The following AGPAT3 variants were observed in gnomAD, a reference collection of about 807,000 sequenced individuals.
AGPAT3 encodes the protein 1-acyl-sn-glycerol-3-phosphate acyltransferase gamma.
In AGPAT3, 5 loss-of-function variants were observed where a neutral mutation model predicts 47.3. The ratio of observed to expected loss-of-function variants is 0.11; its 90% CI spans 0.06 to 0.22. The LOEUF (loss-of-function observed/expected upper bound fraction) is 0.22, where lower values mean the gene tolerates loss of function less well. Ranked by LOEUF, AGPAT3 falls within the 10% of genes least tolerant of loss-of-function variation. AGPAT3 has a pLI of 1.00. For synonymous variants in AGPAT3, 212 were observed against 208.3 expected, an observed-to-expected ratio of 1.02 and a Z score of -0.15; for missense variants, 315 against 493.0, an observed-to-expected ratio of 0.64 and a Z score of 3.42.
intron 1 of AGPAT3, among the ~76,000 whole-genome samples, chr21:43,888,302 A>T (rs1489298386): frequency 6.6e-6 from 1 of 152,176 alleles, no homozygotes; most frequent in Non-Finnish European, 1.5e-5. Context: ...AGCCTTCCAA[A>T]ATGTTGGAAT....
rs775306656 is a variant in AGPAT3 at position 43,981,820 on chromosome 21, TGCCAGGGGCCTTGGTGGGAGGG to T, written c.1043-482_1043-461del. Among the ~76,000 whole-genome samples the T allele has an allele frequency of 9.7e-4, 148 of 152,084 alleles. No homozygotes were observed. The highest frequency in any genetic ancestry group is 1.7e-3 in the Non-Finnish European group (118 of 67,986). On this transcript the variant is annotated intron_variant, in intron 9 of 9. Coordinates refer to ENST00000291572, the MANE Select transcript of AGPAT3 (RefSeq NM_020132.5). The surrounding 1 kb of genome is among the most constrained non-coding windows in gnomAD (Gnocchi z 5.3). ...GCTCCTCCCCTGCTCCTGCCGCCCC[TGCCAGGGGCCTTGGTGGGAGGG>T]GTCCTGAGAGGCAGTGACTGCCACC...
chr21:43,909,381 C>T (rs912637506), intron 2 of AGPAT3, among the ~76,000 whole-genome samples: 49 of 151,608 alleles, frequency 3.2e-4, no homozygotes, highest in African/African-American at 1.1e-3. Flanking sequence ...CCGCAAGCTC[C>T]GTCTCCCGGG....
chr21:43,945,226 A>G (rs551879909), intron 2 of AGPAT3, among the ~76,000 whole-genome samples: 3 of 152,148 alleles, frequency 2.0e-5, no homozygotes, highest in African/African-American at 4.8e-5. Flanking sequence ...GATTTGGCCT[A>G]CGGGGTCCCA....
intron 2 of AGPAT3, among the ~76,000 whole-genome samples, chr21:43,906,262 C>A (rs2086490905): frequency 6.6e-6 from 1 of 152,086 alleles, no homozygotes; most frequent in Non-Finnish European, 1.5e-5. Flanking sequence ...TGATGGCATG[C>A]CACGTATCAC....
At chr21:43,887,586 GCACA>G (rs144954422) in intron 1 of AGPAT3, among the ~76,000 whole-genome samples, 2 of 151,336 alleles carry the variant, frequency 1.3e-5, no homozygotes, top group Admixed American at 6.6e-5. Context: ...GTGCGCACAC[GCACA>G]CACACACACA....
intron 1 of AGPAT3, among the ~76,000 whole-genome samples, chr21:43,891,718 A>C (rs559376772): frequency 6.6e-6 from 1 of 151,622 alleles, no homozygotes; most frequent in East Asian, 1.9e-4. Flanking sequence ...TTCAGACCCC[A>C]CTAATAATTC....
chr21:43,932,162 C>T lies in AGPAT3; in HGVS notation c.-48-27472C>T, dbSNP rs1467555602. 4.6e-5 allele frequency among the ~76,000 whole-genome samples: 7 copies of T among 152,234 alleles called. No individual in the cohort carries two copies. Among genetic ancestry groups the T allele is most frequent in the East Asian group, 1.9e-4 (1 of 5,182 alleles). ...CTTTCCCTGATTTTGAAACATGATA[C>T]GTTATTGTTAACTGGTCGCCACGCA... On this transcript the variant is annotated intron_variant, in intron 2 of 9. Coordinates refer to ENST00000291572, the MANE Select transcript of AGPAT3 (RefSeq NM_020132.5). The surrounding 1 kb of genome is among the most constrained non-coding windows in gnomAD (Gnocchi z 5.2).
At chr21:43,875,898 G>A (rs1391924244) in intron 1 of AGPAT3, among the ~76,000 whole-genome samples, 8 of 152,280 alleles carry the variant, frequency 5.3e-5, no homozygotes, top group East Asian at 3.9e-4. Context: ...GTGAGCCACC[G>A]TGCCCAGCCT....
chr21:43,980,924 C>A, intron 8 of AGPAT3, 65 bp from the exon 9 acceptor site: 15 of 1,354,838 alleles, frequency 1.1e-5, no homozygotes, highest in Admixed American at 1.8e-5. Flanking sequence ...ACAATCTTCT[C>A]CTGCATTGAA....
At chr21:43,965,989 T>C (rs942182138) in intron 3 of AGPAT3, 1 of 152,084 alleles carries the variant, frequency 6.6e-6, no homozygotes, top group Non-Finnish European at 1.5e-5. Flanking sequence ...TAGGGAAGCA[T>C]GTATTTGAGT....
chr21:43,894,374 A>G (rs972446997), intron 1 of AGPAT3, among the ~76,000 whole-genome samples: 8 of 150,436 alleles, frequency 5.3e-5, no homozygotes. Context: ...TGTAACGATT[A>G]TGGTATTCTT....
At chr21:43,886,417 C>G (rs2085980099) in intron 1 of AGPAT3, among the ~76,000 whole-genome samples, 1 of 152,020 alleles carries the variant, frequency 6.6e-6, no homozygotes, top group Non-Finnish European at 1.5e-5. Flanking sequence ...TCATGCCTGG[C>G]TATTTTTTGT....
In AGPAT3 at chr21:43,939,556, G is replaced by A. The variant is rs1160896543; in HGVS notation, c.-48-20078G>A. ...ATGGGACCCGGAGCACCACCGTTTA[G>A]CAAACCTTGCTGCAGTTTGGAGAGA... is the stretch of plus-strand genomic sequence containing the variant. On this transcript the variant is annotated intron_variant, in intron 2 of 9. Coordinates refer to ENST00000291572, the MANE Select transcript of AGPAT3 (RefSeq NM_020132.5). The surrounding 1 kb of genome is among the most constrained non-coding windows in gnomAD (Gnocchi z 4.4). 6.6e-6 allele frequency among the ~76,000 whole-genome samples: 1 copy of A among 152,194 alleles called. No individual in the cohort carries two copies. Among genetic ancestry groups the A allele is most frequent in the Non-Finnish European group, 1.5e-5 (1 of 68,024 alleles).
intron 1 of AGPAT3, among the ~76,000 whole-genome samples, chr21:43,893,473 C>T (rs2086145000): frequency 6.6e-6 from 1 of 152,254 alleles, no homozygotes; most frequent in Non-Finnish European, 1.5e-5. Flanking sequence ...CTAAGTAGCA[C>T]TTTTAATTTC....
intron 3 of AGPAT3, 59 bp from the exon 4 acceptor site, chr21:43,967,887 C>T: frequency 6.4e-7 from 1 of 1,563,364 alleles, no homozygotes; most frequent in South Asian, 1.2e-5. Context: ...TGTGGGCGCT[C>T]CCTGACCATC....
intron 2 of AGPAT3, among the ~76,000 whole-genome samples, chr21:43,941,773 C>T (rs368509106): frequency 4.6e-5 from 7 of 152,362 alleles, no homozygotes; most frequent in South Asian, 4.1e-4. Context: ...TTCCACGGAC[C>T]GTTCCTGGCG....
chr21:43,981,129 C>T lies in AGPAT3; in HGVS notation c.984C>T (p.Gly328=), dbSNP rs368771018. 3.6e-5 allele frequency: 58 copies of T among 1,614,042 alleles called. No individual in the cohort carries two copies. Among genetic ancestry groups the T allele is most frequent in the South Asian group, 2.0e-4 (18 of 91,078 alleles). Residue 328 remains glycine, a synonymous_variant, in exon 9 of 10, where the codon GGC becomes GGT. Coordinates refer to ENST00000291572, the MANE Select transcript of AGPAT3 (RefSeq NM_020132.5). The surrounding 1 kb of genome is among the most constrained non-coding windows in gnomAD (Gnocchi z 5.3). Reference sequence around the variant, plus strand: ...CTCCCCTCTTCAGTTTTGTCTTGGGCGTCTTTGCCAGCGGATCACCTCTCC... The same window carrying T: ...CTCCCCTCTTCAGTTTTGTCTTGGGTGTCTTTGCCAGCGGATCACCTCTCC... ...LLSPLFSFVL[G]VFASGSPLLI... is the part of the protein sequence containing the mutation.
chr21:43,911,319 G>A (rs935235802), intron 2 of AGPAT3, among the ~76,000 whole-genome samples: 1 of 152,154 alleles, frequency 6.6e-6, no homozygotes, highest in Non-Finnish European at 1.5e-5. Flanking sequence ...CTGATTATCA[G>A]TCTACTAGAA....
At chr21:43,978,843 C>T (rs73373140) in intron 8 of AGPAT3, among the ~76,000 whole-genome samples, 243 of 152,354 alleles carry the variant, frequency 1.6e-3, no homozygotes, top group African/African-American at 5.1e-3. Flanking sequence ...CTTTCCCCCA[C>T]GGCTTACTCA....
Sources: allele counts gnomAD v4.1 joint callset (sites outside exome capture counted in the v4.1 genomes callset), GRCh38; gene constraint gnomAD v4.1.1; non-coding constraint Gnocchi (gnomAD v3.1); transcripts MANE v1.5; gene names NCBI Gene and HGNC (gene_info 2026-07-23, HGNC 2026-07-21).